RERE: variants seen among roughly 807,000 people sequenced by gnomAD.
The protein encoded by RERE is arginine-glutamic acid dipeptide repeats protein.
In RERE, 40 loss-of-function variants were observed where a neutral mutation model predicts 146.1. That is an observed-to-expected ratio of 0.27 (90% CI 0.21 to 0.36). RERE has a LOEUF of 0.36. RERE is among the 10% of genes least tolerant of loss of function. RERE has a pLI of 1.00. For missense variants in RERE, 1,933 were observed against 2,138.7 expected, an observed-to-expected ratio of 0.90 and a Z score of 1.90; for synonymous variants, 1,003 against 866.0, an observed-to-expected ratio of 1.16 and a Z score of -2.78.
intron 2 of RERE, among the ~76,000 whole-genome samples, chr1:8,644,963 T>C (rs1483151071): frequency 6.6e-6 from 1 of 152,224 alleles, no homozygotes; most frequent in Admixed American, 6.5e-5. Context: ...TCTTCAGGGT[T>C]TTATGCAAAT....
intron 1 of RERE, chr1:8,753,507 A>G (rs1640579604): frequency 6.6e-6 from 1 of 152,178 alleles, no homozygotes; most frequent in East Asian, 1.9e-4. Flanking sequence ...ACGGATTTTA[A>G]AAGATTTTAA....
intron 12 of RERE, among the ~76,000 whole-genome samples, chr1:8,402,576 A>G (rs1448333536): frequency 6.6e-6 from 1 of 152,014 alleles, no homozygotes; most frequent in Non-Finnish European, 1.5e-5. Flanking sequence ...CATTCCCGGG[A>G]TAACTCCTAC....
At chr1:8,693,625 T>C (rs530250352) in intron 1 of RERE, among the ~76,000 whole-genome samples, 7 of 152,278 alleles carry the variant, frequency 4.6e-5, no homozygotes, top group African/African-American at 1.7e-4. Flanking sequence ...ACATAGGGCA[T>C]GTTTAGAGCA....
At chr1:8,383,630 G>A (rs1251676314) in intron 12 of RERE, among the ~76,000 whole-genome samples, 1 of 152,164 alleles carries the variant, frequency 6.6e-6, no homozygotes, top group Non-Finnish European at 1.5e-5. Context: ...GGAGGCTGAG[G>A]TGGGTGGATC....
intron 4 of RERE, among the ~76,000 whole-genome samples, chr1:8,559,139 G>A (rs1646041792): frequency 6.7e-6 from 1 of 150,004 alleles, no homozygotes; most frequent in Non-Finnish European, 1.5e-5. Flanking sequence ...AATTAGCCGG[G>A]TATGGTGGGG....
intron 1 of RERE, among the ~76,000 whole-genome samples, chr1:8,705,358 T>C (rs766405384): frequency 9.2e-5 from 14 of 152,066 alleles, no homozygotes; most frequent in Non-Finnish European, 1.9e-4. Flanking sequence ...CCCCCAGGTA[T>C]AGGGATTTCT....
chr1:8,575,096 A>C (rs150113505), intron 4 of RERE, among the ~76,000 whole-genome samples: 3 of 152,212 alleles, frequency 2.0e-5, no homozygotes, highest in African/African-American at 7.2e-5. Flanking sequence ...GAGAACCCTA[A>C]AACAACTTAT....
chr1:8,497,593 T>C, intron 8 of RERE, 64 bp from the exon 9 acceptor site: 1 of 1,565,956 alleles, frequency 6.4e-7, no homozygotes, highest in Non-Finnish European at 8.8e-7. Flanking sequence ...GCTATCTCAA[T>C]AAGCAGTCTT....
intron 12 of RERE, among the ~76,000 whole-genome samples, chr1:8,417,993 A>C (rs933071191): frequency 6.6e-6 from 1 of 152,098 alleles, no homozygotes; most frequent in African/African-American, 2.4e-5. Context: ...CCGCCCCTCC[A>C]ATTAGCTTTC....
At chr1:8,443,459 GAAA>G (rs144499944) in intron 11 of RERE, among the ~76,000 whole-genome samples, 311 of 112,778 alleles carry the variant, frequency 2.8e-3, no homozygotes, top group Non-Finnish European at 3.4e-3. Flanking sequence ...CTCAAAAAAA[GAAA>G]AAAAAAAAAA....
intron 12 of RERE, among the ~76,000 whole-genome samples, chr1:8,385,968 TAAAAAAAAAAAAAAAA>T (rs34493389): frequency 1.1e-4 from 1 of 9,482 alleles, no homozygotes; most frequent in Non-Finnish European, 1.6e-4. Context: ...GACTCCGTCT[TAAAAAAAAAAAAAAAA>T]AAAAAAAAAA....
At chr1:8,647,759 C>T (rs1022598467) in intron 2 of RERE, among the ~76,000 whole-genome samples, 1 of 151,586 alleles carries the variant, frequency 6.6e-6, no homozygotes, top group African/African-American at 2.4e-5. Context: ...AATTGCCTTA[C>T]AGAAGCTTTC....
intron 8 of RERE, among the ~76,000 whole-genome samples, chr1:8,501,033 G>GGAC (rs1553175869): frequency 5.1e-5 from 6 of 118,140 alleles, no homozygotes; most frequent in African/African-American, 2.4e-4. Flanking sequence ...CGTCCGGGAG[G>GGAC]GGGGGGGGGG....
chr1:8,570,395 A>C (rs1037328260), intron 4 of RERE, among the ~76,000 whole-genome samples: 10 of 152,206 alleles, frequency 6.6e-5, no homozygotes, highest in African/African-American at 2.4e-4. Context: ...CATTAATAAC[A>C]GTAATAAACC....
chr1:8,717,228 G>A (rs1639782254), intron 1 of RERE, among the ~76,000 whole-genome samples: 1 of 152,058 alleles, frequency 6.6e-6, no homozygotes, highest in African/African-American at 2.4e-5. Flanking sequence ...AATGGTTTTT[G>A]AAAAAGAGAG....
At chr1:8,586,456 CTG>C (rs1646429434) in intron 4 of RERE, among the ~76,000 whole-genome samples, 1 of 152,180 alleles carries the variant, frequency 6.6e-6, no homozygotes, top group South Asian at 2.1e-4. Context: ...CTGTATGTAT[CTG>C]TGTTTTATTC....
Position 8,375,936 on chromosome 1 carries a change from T to A in RERE, c.1285-9962A>T, listed in dbSNP as rs146706459. Among the ~76,000 whole-genome samples, 4 of 152,388 alleles carry A rather than the reference T, an allele frequency of 2.6e-5. No homozygotes were observed. The East Asian group carries it at 7.7e-4, about 29-fold the overall frequency. ...TCTTAATATATATTTATCTTTTACA[T>A]ATACTTTATCTTCATCTTTATTTAT... On this transcript the variant is annotated intron_variant, in intron 12 of 22. Transcript: ENST00000400908.
At chr1:8,574,795 G>A (rs1646270032) in intron 4 of RERE, among the ~76,000 whole-genome samples, 1 of 152,192 alleles carries the variant, frequency 6.6e-6, no homozygotes, top group African/African-American at 2.4e-5. Context: ...GAGAGGGCAC[G>A]AGGGTAACCT....
intron 1 of RERE, among the ~76,000 whole-genome samples, chr1:8,706,182 G>A (rs543271699): frequency 6.6e-6 from 1 of 151,828 alleles, no homozygotes; most frequent in African/African-American, 2.4e-5. Context: ...AGCCAAGAGT[G>A]GTGGTTCACG....
Sources: gnomAD v4.1 joint callset for allele counts (sites outside exome capture counted in the v4.1 genomes callset) on GRCh38, gnomAD v4.1.1 for gene constraint, MANE v1.5 for transcripts, NCBI Gene and HGNC (gene_info 2026-07-23, HGNC 2026-07-21) for gene names.